The following CPEB3 variants were observed in gnomAD, a reference collection of about 807,000 sequenced individuals.
CPEB3 encodes the protein cytoplasmic polyadenylation element-binding protein 3.
Under a neutral mutation model 67.2 loss-of-function variants are expected in CPEB3, and 20 were observed. That is an observed-to-expected ratio of 0.30 (90% CI 0.21 to 0.43). The LOEUF is 0.43. Ranked by LOEUF, CPEB3 falls within the 20% of genes least tolerant of loss-of-function variation. The pLI is 1.00. For missense variants in CPEB3, 746 were observed against 968.6 expected, an observed-to-expected ratio of 0.77 and a Z score of 3.05; for synonymous variants, 376 against 393.1, an observed-to-expected ratio of 0.96 and a Z score of 0.51.
intron 3 of CPEB3, among the ~76,000 whole-genome samples, chr10:92,189,326 A>C (rs1848847660): frequency 6.6e-6 from 1 of 152,324 alleles, no homozygotes; most frequent in South Asian, 2.1e-4. Flanking sequence ...CACCTGAAAA[A>C]TTTCAACATT....
intron 2 of CPEB3, among the ~76,000 whole-genome samples, chr10:92,211,674 T>C (rs1036165723): frequency 6.6e-6 from 1 of 151,286 alleles, no homozygotes; most frequent in Non-Finnish European, 1.5e-5. Context: ...GTAGCTGGGA[T>C]TACAGGAGCC....
chr10:92,118,834 T>C (rs999461287), intron 6 of CPEB3: 13 of 774,338 alleles, frequency 1.7e-5, no homozygotes, highest in Non-Finnish European at 2.6e-5. Context: ...CTATCTACAG[T>C]TGGTCTCTTC....
chr10:92,248,819 G>T (rs982562150), intron 1 of CPEB3, among the ~76,000 whole-genome samples: 1 of 152,186 alleles, frequency 6.6e-6, no homozygotes, highest in Non-Finnish European at 1.5e-5. Context: ...TAAGTCCAAT[G>T]GATGTTTGTC....
At chr10:92,087,146 T>C (rs1843409123) in intron 8 of CPEB3, among the ~76,000 whole-genome samples, 1 of 152,258 alleles carries the variant, frequency 6.6e-6, no homozygotes, top group African/African-American at 2.4e-5. Context: ...CAAATGTTTA[T>C]ATAAAATGTC....
intron 8 of CPEB3, among the ~76,000 whole-genome samples, chr10:92,084,114 G>A (rs981704071): frequency 2.1e-4 from 31 of 144,466 alleles, no homozygotes; most frequent in Admixed American, 1.9e-3. Flanking sequence ...GCAGTGAGCC[G>A]AGATCACGCC....
At position 92,051,072 on chromosome 10, in the gene CPEB3, A is replaced by T. The variant is rs1260848420; in HGVS notation, c.*1140T>A. The T allele has an allele frequency of 6.6e-6, 1 of 152,592 alleles. No homozygotes were observed. The highest frequency in any genetic ancestry group is 2.4e-5 in the African/African-American group (1 of 41,438). The allele number at this position is 152,592 out of a possible 1,614,324, so 9.5% of individuals were successfully genotyped here. A position where few individuals can be genotyped will look rare whatever the true frequency, so the allele number is the denominator to read the frequency against. On this transcript the variant is annotated 3_prime_UTR_variant, in exon 10 of 10. Coordinates refer to ENST00000265997, the MANE Select transcript of CPEB3 (RefSeq NM_014912.5). ...AGCACCGCAAAGTACTTCATCTACC[A>T]TCCACAAATTTGCTTGAAGAATATC...
Position 92,049,214 on chromosome 10 carries a change from TTTC to T in CPEB3, c.*2995_*2997del, listed in dbSNP as rs1202855624. 6.6e-6 allele frequency: 1 copy of T among 152,492 alleles called. No homozygotes were observed. The highest frequency in any genetic ancestry group is 1.5e-5 in the Non-Finnish European group (1 of 68,012). 9.4% of individuals were successfully genotyped at this position (152,492 alleles called of 1,614,324 possible). On this transcript the variant is annotated 3_prime_UTR_variant, in exon 10 of 10. Coordinates refer to ENST00000265997, the MANE Select transcript of CPEB3 (RefSeq NM_014912.5). ...CAATAAAGATTTATGCCTTTTTTCT[TTTC>T]TTTTTTTTTTCTATTTTTTATACAA... is the stretch of plus-strand genomic sequence containing the variant.
intron 9 of CPEB3, among the ~76,000 whole-genome samples, chr10:92,058,077 T>C (rs1281796883): frequency 6.6e-6 from 1 of 152,144 alleles, no homozygotes; most frequent in Non-Finnish European, 1.5e-5. Context: ...CAGGAAAACA[T>C]GACCTCACCA....
intron 3 of CPEB3, among the ~76,000 whole-genome samples, chr10:92,182,545 G>A (rs1054148535): frequency 6.6e-6 from 1 of 152,190 alleles, no homozygotes; most frequent in Non-Finnish European, 1.5e-5. Context: ...GGTAGGGAAG[G>A]CCGGGCGCAG....
Position 92,278,184 on chromosome 10 carries a change from C to CA in CPEB3, c.-12+12741dup, listed in dbSNP as rs34532720. Among the ~76,000 whole-genome samples, 602 of 119,398 alleles carry CA rather than the reference C, an allele frequency of 5.0e-3. 2 individuals are homozygous for CA. Among genetic ancestry groups the CA allele is most frequent in the Non-Finnish European group, 5.0e-3 (278 of 55,748 alleles). 78.3% of individuals were successfully genotyped at this position (119,398 alleles called of 152,430 possible). The stretch of plus-strand genomic sequence containing the variant: ...TGGGCGACAGAGCAAGGCTCCATCT[C>CA]AAAAAAAAAAAAAAAATTATTTTGG... On this transcript the variant is annotated intron_variant, in intron 1 of 9. Transcript: ENST00000265997.
chr10:92,056,397 A>G (rs1274972133), intron 9 of CPEB3, among the ~76,000 whole-genome samples: 5 of 152,226 alleles, frequency 3.3e-5, no homozygotes, highest in Non-Finnish European at 7.3e-5. Flanking sequence ...CAGGAAGTTA[A>G]TAACTATCTA....
intron 1 of CPEB3, among the ~76,000 whole-genome samples, chr10:92,266,321 A>G (rs918645899): frequency 1.3e-5 from 2 of 152,170 alleles, no homozygotes; most frequent in Non-Finnish European, 2.9e-5. Context: ...GGAGGAAAAG[A>G]GAAGTTTATC....
At chr10:92,231,304 T>C (rs970417107) in intron 2 of CPEB3, among the ~76,000 whole-genome samples, 8 of 152,242 alleles carry the variant, frequency 5.3e-5, no homozygotes, top group Non-Finnish European at 1.2e-4. Flanking sequence ...TGTTTAACTT[T>C]GGACTACTGA....
chr10:92,212,023 C>T (rs1850116713), intron 2 of CPEB3, among the ~76,000 whole-genome samples: 1 of 150,936 alleles, frequency 6.6e-6, no homozygotes, highest in Non-Finnish European at 1.5e-5. Context: ...CCCGCCACCA[C>T]TCCTGGTTAA....
chr10:92,058,594 T>TACATAC (rs58218665), intron 9 of CPEB3, among the ~76,000 whole-genome samples: 9,145 of 135,188 alleles, frequency 0.068, 339 homozygotes, highest in East Asian at 0.1. Context: ...CATACATACA[T>TACATAC]ATATATATAT....
At chr10:92,212,683 CA>C (rs1273645525) in intron 2 of CPEB3, among the ~76,000 whole-genome samples, 2 of 151,388 alleles carry the variant, frequency 1.3e-5, no homozygotes, top group African/African-American at 2.4e-5. Context: ...AGACTTAGTA[CA>C]AAAAAAAGTA....
intron 4 of CPEB3, among the ~76,000 whole-genome samples, chr10:92,158,583 T>C (rs1051532902): frequency 6.6e-6 from 1 of 152,232 alleles, no homozygotes; most frequent in African/African-American, 2.4e-5. Context: ...TATATACAAC[T>C]AGCTGTTACT....
chr10:92,266,320 G>C (rs1299309165), intron 1 of CPEB3, among the ~76,000 whole-genome samples: 2 of 152,092 alleles, frequency 1.3e-5, no homozygotes, highest in East Asian at 3.9e-4. Context: ...AGGAGGAAAA[G>C]AGAAGTTTAT....
At chr10:92,166,508 C>T (rs1847753540) in intron 4 of CPEB3, among the ~76,000 whole-genome samples, 2 of 152,202 alleles carry the variant, frequency 1.3e-5, no homozygotes, top group African/African-American at 4.8e-5. Context: ...ATGAAAACAA[C>T]ATTACTGTCC....
Sources: gnomAD v4.1 joint callset for allele counts (sites outside exome capture counted in the v4.1 genomes callset) on GRCh38, gnomAD v4.1.1 for gene constraint, MANE v1.5 for transcripts, NCBI Gene and HGNC (gene_info 2026-07-23, HGNC 2026-07-21) for gene names.